Variants in DCTN5 observed in about 807,000 individuals in gnomAD.
DCTN5 encodes the protein dynactin 4.
A neutral mutation model predicts 23.5 loss-of-function variants in DCTN5; 14 were observed. That is an observed-to-expected ratio of 0.60 (90% CI 0.39 to 0.93). The LOEUF (loss-of-function observed/expected upper bound fraction) is 0.93. Among genes scored for constraint, DCTN5 ranks in the 40% least tolerant of loss-of-function variants. DCTN5 has a pLI of 0.00. For missense variants in DCTN5, 156 were observed against 225.9 expected (o/e 0.69, Z 1.98); for synonymous variants, 67 against 79.6 (o/e 0.84, Z 0.84).
At chr16:23,657,414 G>A in intron 2 of DCTN5, 1 of 376,442 alleles carries the variant, frequency 2.7e-6, no homozygotes, top group African/African-American at 2.2e-5. Context: ...TATGATTGTG[G>A]CACTGCACTG....
At chr16:23,650,716 T>A (rs1261893909) in intron 2 of DCTN5, 17 of 1,524,304 alleles carry the variant, frequency 1.1e-5, no homozygotes, top group Non-Finnish European at 1.5e-5. Flanking sequence ...TTTTTGCTGT[T>A]ATGAACAATC....
rs1292523040 is a variant in DCTN5, at chr16:23,673,353, G to A, written c.*6209G>A. On this transcript the variant is annotated 3_prime_UTR_variant, in exon 6 of 6. Transcript: ENST00000300087. ...TAGTCTTGAACTCCTGGGCTCAAGCGATCTTGGCCTCCCTAAGTGCTGGGA... is the reference window on the plus strand; with the variant it reads ...TAGTCTTGAACTCCTGGGCTCAAGCAATCTTGGCCTCCCTAAGTGCTGGGA... 6.6e-6 allele frequency: 1 copy of A among 152,092 alleles called. No homozygotes were observed. The highest frequency in any genetic ancestry group is 2.4e-5 in the African/African-American group (1 of 41,410). The allele number at this position is 152,092 out of a possible 1,614,324, so 9.4% of individuals were successfully genotyped here.
At chr16:23,641,757 G>C (rs1170900806) in intron 1 of DCTN5, among the ~76,000 whole-genome samples, 167 bp downstream of exon 1, 3 of 151,946 alleles carry the variant, frequency 2.0e-5, no homozygotes, top group Non-Finnish European at 4.4e-5. Context: ...TGTTTACTCC[G>C]CGCTTGGCCA....
chr16:23,644,394 A>C (rs931273274), intron 2 of DCTN5, among the ~76,000 whole-genome samples: 1 of 141,094 alleles, frequency 7.1e-6, no homozygotes. Context: ...TCCGCCTCCC[A>C]GGCTCACGCC....
intron 1 of DCTN5, chr16:23,642,681 CT>C: frequency 3.0e-6 from 1 of 328,036 alleles, no homozygotes; most frequent in Non-Finnish European, 5.6e-6. Context: ...GAGAAGGGGT[CT>C]CACTATGTTG....
rs950181946 is a variant in DCTN5 at position 23,642,316 on chromosome 16, A to G, written c.49-639A>G. On this transcript the variant is annotated intron_variant, in intron 1 of 5. Transcript: ENST00000300087. The stretch of plus-strand genomic sequence containing the variant: ...GTGGTCAATTAACGTTACTATCGTT[A>G]TTTTGGTTTTCTTTGCTTTCTCACA... Among the ~76,000 whole-genome samples the G allele has an allele frequency of 3.9e-5, 6 of 152,138 alleles. No individual in the cohort carries two copies. The East Asian group carries it at 1.2e-3, about 29-fold the overall frequency.
chr16:23,649,403 A>G (rs989983512), intron 2 of DCTN5, among the ~76,000 whole-genome samples: 1 of 152,018 alleles, frequency 6.6e-6, no homozygotes, highest in Admixed American at 6.6e-5. Flanking sequence ...TTTTAGTTTG[A>G]TATAATCCCA....
chr16:23,666,920 C>T, intron 5 of DCTN5, 127 bp from the exon 6 acceptor site: 2 of 1,456,386 alleles, frequency 1.4e-6, no homozygotes, highest in East Asian at 2.5e-5. Flanking sequence ...ACCAGAACAG[C>T]CTCAGCGATT....
chr16:23,648,370 GAC>G (rs1967520876), intron 2 of DCTN5, among the ~76,000 whole-genome samples: 1 of 112,786 alleles, frequency 8.9e-6, no homozygotes, highest in African/African-American at 4.1e-5. Flanking sequence ...TTTTTTTAGA[GAC>G]ACAGTCTCGC....
Position 23,642,696 on chromosome 16 carries a change from A to C in DCTN5, c.49-259A>C, listed in dbSNP as rs1371548134. 1.2e-5 allele frequency: 5 copies of C among 424,160 alleles called. No homozygotes were observed. The Admixed American group carries it at 1.9e-4, about 16-fold the overall frequency. The allele number at this position is 424,160 out of a possible 1,614,324, so 26.3% of individuals were successfully genotyped here. The stretch of plus-strand genomic sequence containing the variant: ...GAGAAGGGGTCTCACTATGTTGCCT[A>C]GGCTGGTCTTGAGCTCCTGTCCTCA... On this transcript the variant is annotated intron_variant, in intron 1 of 5. Coordinates refer to ENST00000300087, the MANE Select transcript of DCTN5 (RefSeq NM_032486.4).
chr16:23,665,681 C>T lies in DCTN5; in HGVS notation c.404C>T (p.Pro135Leu). The change falls in exon 5 of 6, where the codon CCT becomes CTT. Residue 135 changes from proline to leucine, a missense_variant. Around this residue, in one of 2 missense-constraint regions of DCTN5, gnomAD observed 153 missense variants for 206.8 expected, o/e 0.74. Coordinates refer to ENST00000300087, the MANE Select transcript of DCTN5 (RefSeq NM_032486.4). Reference protein sequence around the residue: ...CCKILDNTVLPPETVVPPFTV... With the variant: ...CCKILDNTVLLPETVVPPFTV... ...AAAATTCTTGACAACACAGTATTAC[C>T]TCCAGAAACTGTGGTTCCACCATTC... 2 of 1,614,144 alleles carry T rather than the reference C, an allele frequency of 1.2e-6. No individual in the cohort carries two copies. The highest frequency in any genetic ancestry group is 1.7e-6 in the Non-Finnish European group (2 of 1,180,004).
At chr16:23,642,932 G>A in intron 1 of DCTN5, 23 bp from the exon 2 acceptor site, 2 of 1,611,454 alleles carry the variant, frequency 1.2e-6, no homozygotes, top group South Asian at 1.1e-5. Flanking sequence ...TGCTTTCCCC[G>A]GTTTTCCGTT....
At chr16:23,648,807 A>G (rs1435129725) in intron 2 of DCTN5, among the ~76,000 whole-genome samples, 1 of 152,106 alleles carries the variant, frequency 6.6e-6, no homozygotes, top group African/African-American at 2.4e-5. Context: ...ACTGCGGTGA[A>G]GTGGTACCTC....
Position 23,672,220 on chromosome 16 carries a change from T to A in DCTN5, c.*5076T>A, listed in dbSNP as rs1446955945. On this transcript the variant is annotated 3_prime_UTR_variant, in exon 6 of 6. Coordinates refer to ENST00000300087, the MANE Select transcript of DCTN5 (RefSeq NM_032486.4). ...CAGGTATAGGTTCTTTTTATTTCAA[T>A]AATAACAGAAACAACTGTCAAAACC... is the stretch of plus-strand genomic sequence containing the variant. The A allele has an allele frequency of 6.6e-6, 1 of 152,192 alleles. No individual in the cohort carries two copies. The highest frequency in any genetic ancestry group is 6.5e-5 in the Admixed American group (1 of 15,286). 9.4% of individuals were successfully genotyped at this position (152,192 alleles called of 1,614,324 possible).
At chr16:23,643,072 C>T in intron 2 of DCTN5, 49 bp downstream of exon 2, 1 of 1,473,602 alleles carries the variant, frequency 6.8e-7, no homozygotes, top group Non-Finnish European at 9.5e-7. Flanking sequence ...TTGCGTTCTG[C>T]TAATTGTCAC....
chr16:23,650,980 T>G, intron 2 of DCTN5: 1 of 1,402,602 alleles, frequency 7.1e-7, no homozygotes, highest in Non-Finnish European at 9.3e-7. Context: ...TGATTCTTTT[T>G]CAAAAGCAAC....
Position 23,676,976 on chromosome 16 carries a change from G to T in DCTN5, c.*9832G>T. The T allele has an allele frequency of 6.6e-6, 1 of 152,254 alleles. No homozygotes were observed. The highest frequency in any genetic ancestry group is 1.5e-5 in the Non-Finnish European group (1 of 68,064). 9.4% of individuals were successfully genotyped at this position (152,254 alleles called of 1,614,324 possible). A position where few individuals can be genotyped will look rare whatever the true frequency, so the allele number is the denominator to read the frequency against. On this transcript the variant is annotated 3_prime_UTR_variant, in exon 6 of 6. Transcript: ENST00000300087. ...TCATATGTGTTAGGCAGAGGATGAG[G>T]TGAGCAGCTCCCAATGAGAACCCTG...
At chr16:23,643,316 C>T (rs1375750306) in intron 2 of DCTN5, among the ~76,000 whole-genome samples, 2 of 151,634 alleles carry the variant, frequency 1.3e-5, no homozygotes, top group Non-Finnish European at 2.9e-5. Context: ...CTCAGCCTCC[C>T]GAGTAGCTGG....
chr16:23,642,402 G>T (rs1967305746), intron 1 of DCTN5, among the ~76,000 whole-genome samples: 1 of 152,166 alleles, frequency 6.6e-6, no homozygotes, highest in African/African-American at 2.4e-5. Flanking sequence ...CGTGGAAGTG[G>T]GATTTGAATC....
Sources: gnomAD v4.1 joint callset for allele counts (sites outside exome capture counted in the v4.1 genomes callset) on GRCh38, gnomAD v4.1.1 for gene constraint, gnomAD v4.1.1 regional missense constraint, MANE v1.5 for transcripts, NCBI Gene and HGNC (gene_info 2026-07-23, HGNC 2026-07-21) for gene names.